Variants in CGRRF1 observed in about 807,000 individuals in gnomAD.
The protein encoded by CGRRF1 is cell growth regulator with ring finger domain 1.
A neutral mutation model predicts 37.2 loss-of-function variants in CGRRF1; 32 were observed. That is an observed-to-expected ratio of 0.86 (90% CI 0.65 to 1.16). CGRRF1 has a LOEUF of 1.16. Among genes scored for constraint, CGRRF1 ranks in the 50% most tolerant of loss-of-function variants. The pLI is 0.00. For synonymous variants in CGRRF1, 141 were observed against 140.3 expected, an observed-to-expected ratio of 1.00 and a Z score of -0.04; for missense variants, 391 against 382.6, an observed-to-expected ratio of 1.02 and a Z score of -0.18.
intron 1 of CGRRF1, 65 bp downstream of exon 1, chr14:54,510,128 C>G: frequency 8.0e-7 from 1 of 1,253,590 alleles, no homozygotes; most frequent in Non-Finnish European, 1.2e-6. Flanking sequence ...CGACGAGCAG[C>G]AGGGGGCACC....
chr14:54,527,471 AT>A (rs1294677618), intron 2 of CGRRF1, among the ~76,000 whole-genome samples: 1 of 152,192 alleles, frequency 6.6e-6, no homozygotes, highest in Non-Finnish European at 1.5e-5. Context: ...TAATAATAAC[AT>A]TAAAAAAAGA....
chr14:54,519,535 G>A (rs968187480), intron 1 of CGRRF1, among the ~76,000 whole-genome samples: 1 of 151,774 alleles, frequency 6.6e-6, no homozygotes, highest in Non-Finnish European at 1.5e-5. Flanking sequence ...ATGGGCAGGA[G>A]CCAGTGCACC....
chr14:54,516,539 T>C (rs1954210), intron 1 of CGRRF1, among the ~76,000 whole-genome samples: 3,459 of 152,266 alleles, frequency 0.023, 94 homozygotes, highest in East Asian at 0.095. Flanking sequence ...GTATATCTTT[T>C]TTTCCTTTTC....
At chr14:54,537,135 T>C (rs1276794476) in intron 4 of CGRRF1, 1 of 152,234 alleles carries the variant, frequency 6.6e-6, no homozygotes, top group African/African-American at 2.4e-5. Context: ...TAATTACGTC[T>C]GTTTCTGGAC....
At chr14:54,532,724 A>G (rs549926542) in intron 4 of CGRRF1, among the ~76,000 whole-genome samples, 5 of 151,340 alleles carry the variant, frequency 3.3e-5, no homozygotes, top group Non-Finnish European at 7.4e-5. Context: ...AAAAAGTCAT[A>G]CTAGACAATG....
chr14:54,515,318 G>T (rs1017155358), intron 1 of CGRRF1, among the ~76,000 whole-genome samples: 2 of 151,370 alleles, frequency 1.3e-5, no homozygotes, highest in African/African-American at 2.4e-5. Flanking sequence ...GGTCTCGATC[G>T]CTTGACCTCA....
intron 1 of CGRRF1, among the ~76,000 whole-genome samples, chr14:54,517,928 C>T (rs531133611): frequency 8.7e-4 from 133 of 152,298 alleles, no homozygotes; most frequent in Non-Finnish European, 1.6e-3. Flanking sequence ...TCCAGCTTGA[C>T]GCATTTTCCT....
At chr14:54,532,925 A>G (rs940120342) in intron 4 of CGRRF1, among the ~76,000 whole-genome samples, 3 of 151,968 alleles carry the variant, frequency 2.0e-5, no homozygotes, top group Non-Finnish European at 2.9e-5. Context: ...TTGGGCAAGG[A>G]AGCCCTTCTG....
intron 1 of CGRRF1, among the ~76,000 whole-genome samples, chr14:54,511,662 A>G (rs1416571016): frequency 3.9e-5 from 6 of 152,234 alleles, no homozygotes; most frequent in Non-Finnish European, 8.8e-5. Flanking sequence ...TCATGTTTGT[A>G]GTGGTTAACA....
chr14:54,530,900 A>G lies in CGRRF1; in HGVS notation c.423-3A>G. On this transcript the variant is annotated splice_polypyrimidine_tract_variant and splice_region_variant and intron_variant, in intron 3 of 5. Transcript: ENST00000216420. ...GGCAATTTACCTTTACATTTTCAAA[A>G]AGTATTAAAAAGGATAGCAAAGAAG... is the stretch of plus-strand genomic sequence containing the variant. The G allele has an allele frequency of 6.4e-7, 1 of 1,574,606 alleles. No individual in the cohort carries two copies. The highest frequency in any genetic ancestry group is 1.4e-5 in the African/African-American group (1 of 73,814).
intron 2 of CGRRF1, among the ~76,000 whole-genome samples, chr14:54,526,349 C>T (rs2032411823): frequency 6.6e-6 from 1 of 151,510 alleles, no homozygotes; most frequent in Non-Finnish European, 1.5e-5. Context: ...CAGGGTTTCA[C>T]CGTGTTATCC....
At chr14:54,510,111 G>A in intron 1 of CGRRF1, 48 bp downstream of exon 1, 1 of 1,446,930 alleles carries the variant, frequency 6.9e-7, no homozygotes, top group Non-Finnish European at 9.7e-7. Flanking sequence ...CCGCCAGAGT[G>A]GGGTCGCGAC....
At chr14:54,529,985 C>T (rs2032480836) in intron 2 of CGRRF1, 64 bp from the exon 3 acceptor site, 1 of 1,355,278 alleles carries the variant, frequency 7.4e-7, no homozygotes. Context: ...TGTTACTCAC[C>T]CTGTATGATT....
chr14:54,536,354 G>A (rs567590774), intron 4 of CGRRF1: 7 of 152,016 alleles, frequency 4.6e-5, no homozygotes, highest in African/African-American at 1.7e-4. Flanking sequence ...GGACATTCAG[G>A]TGGTTTCCAG....
chr14:54,517,389 C>T (rs531807901), intron 1 of CGRRF1, among the ~76,000 whole-genome samples: 96 of 152,256 alleles, frequency 6.3e-4, no homozygotes, highest in African/African-American at 2.2e-3. Context: ...TTACCCAACT[C>T]TTTTATAAAA....
intron 1 of CGRRF1, among the ~76,000 whole-genome samples, chr14:54,519,016 C>A (rs2032266917): frequency 1.3e-5 from 2 of 150,284 alleles, no homozygotes; most frequent in Admixed American, 1.3e-4. Context: ...GATCTCGGCT[C>A]TCTGCAACCT....
chr14:54,537,661 A>G (rs562695090), intron 4 of CGRRF1, 61 bp from the exon 5 acceptor site: 50 of 1,382,618 alleles, frequency 3.6e-5, no homozygotes, highest in African/African-American at 1.8e-4. Context: ...AGCATTTTTC[A>G]TATATTTGTG....
At chr14:54,516,810 G>A (rs1186645221) in intron 1 of CGRRF1, among the ~76,000 whole-genome samples, 1 of 152,140 alleles carries the variant, frequency 6.6e-6, no homozygotes, top group African/African-American at 2.4e-5. Flanking sequence ...CTGACTAAAA[G>A]TTGGCTTACT....
intron 2 of CGRRF1, among the ~76,000 whole-genome samples, chr14:54,524,277 C>G (rs1384756994): frequency 6.6e-6 from 1 of 152,118 alleles, no homozygotes; most frequent in African/African-American, 2.4e-5. Context: ...GTCTATTCAT[C>G]TTTCCTGCCT....
Sources: gnomAD v4.1 joint callset for allele counts (sites outside exome capture counted in the v4.1 genomes callset) on GRCh38, gnomAD v4.1.1 for gene constraint, MANE v1.5 for transcripts, NCBI Gene and HGNC (gene_info 2026-07-23, HGNC 2026-07-21) for gene names.